Variants in LARP1B observed in about 807,000 individuals in gnomAD.
The protein encoded by LARP1B is la-related protein 1B.
A neutral mutation model predicts 114.2 loss-of-function variants in LARP1B; 76 were observed. That is an observed-to-expected ratio of 0.67 (90% CI 0.55 to 0.81). LARP1B has a LOEUF of 0.81. Ranked by LOEUF, LARP1B falls within the 30% of genes least tolerant of loss-of-function variation. The pLI is 0.00. For synonymous variants in LARP1B, 345 were observed against 348.0 expected, an observed-to-expected ratio of 0.99 and a Z score of 0.10; for missense variants, 1,014 against 1,075.8, an observed-to-expected ratio of 0.94 and a Z score of 0.80.
chr4:128,105,632 C>T (rs1160395854), intron 8 of LARP1B, among the ~76,000 whole-genome samples: 1 of 152,190 alleles, frequency 6.6e-6, no homozygotes, highest in East Asian at 1.9e-4. Flanking sequence ...GTGTTTCACA[C>T]CTGTAATCCT....
At chr4:128,069,707 T>A (rs1307717213) in intron 1 of LARP1B, 1 of 355,208 alleles carries the variant, frequency 2.8e-6, no homozygotes, top group African/African-American at 2.1e-5. Flanking sequence ...CTTGTATTTA[T>A]GGTTGTTTTT....
intron 11 of LARP1B, among the ~76,000 whole-genome samples, chr4:128,158,116 A>G (rs1736673707): frequency 6.6e-6 from 1 of 152,202 alleles, no homozygotes; most frequent in Non-Finnish European, 1.5e-5. Flanking sequence ...ATTGCCTTAG[A>G]AGATATAATA....
At chr4:128,068,969 T>C (rs928518381) in intron 1 of LARP1B, 1 of 630,992 alleles carries the variant, frequency 1.6e-6, no homozygotes, top group Non-Finnish European at 2.7e-6. Context: ...GACATGATTG[T>C]CCTAAATTGT....
At chr4:128,082,359 T>A in intron 5 of LARP1B, 54 bp downstream of exon 5, 1 of 1,528,322 alleles carries the variant, frequency 6.5e-7, no homozygotes, top group Non-Finnish European at 9.0e-7. Context: ...GTCTTAATGC[T>A]CGTTATTTTA....
intron 5 of LARP1B, among the ~76,000 whole-genome samples, 158 bp from the exon 6 acceptor site, chr4:128,090,843 C>G (rs1775655042): frequency 6.6e-6 from 1 of 152,032 alleles, no homozygotes; most frequent in African/African-American, 2.4e-5. Context: ...TTGATAAATT[C>G]TTATTGGATC....
At chr4:128,111,870 T>C (rs373538121) in intron 9 of LARP1B, among the ~76,000 whole-genome samples, 13 of 151,422 alleles carry the variant, frequency 8.6e-5, no homozygotes, top group African/African-American at 2.7e-4. Flanking sequence ...TTTTTTTTTT[T>C]AGTAGAGACG....
In LARP1B at chr4:128,210,161, T is replaced by C. The variant is rs753711286; in HGVS notation, c.*108T>C. 343 of 1,538,664 alleles carry C rather than the reference T, an allele frequency of 2.2e-4. No individual in the cohort carries two copies. The highest frequency in any genetic ancestry group is 2.9e-4 in the Non-Finnish European group (328 of 1,143,348). On this transcript the variant is annotated 3_prime_UTR_variant, in exon 20 of 20. Transcript: ENST00000326639. ...AGTCAACATTTACATCAGTATTTAT[T>C]TGGGGAAAATCTTCTGGTGTTTAAT...
At chr4:128,162,693 T>C (rs1739025566) in intron 12 of LARP1B, among the ~76,000 whole-genome samples, 1 of 152,134 alleles carries the variant, frequency 6.6e-6, no homozygotes, top group Non-Finnish European at 1.5e-5. Context: ...AATAAATACA[T>C]TGGGAGATCC....
At chr4:128,095,406 T>C (rs1439981700) in intron 7 of LARP1B, among the ~76,000 whole-genome samples, 1 of 149,422 alleles carries the variant, frequency 6.7e-6, no homozygotes, top group Non-Finnish European at 1.5e-5. Context: ...GGAGAATCGC[T>C]TGAACCTGTG....
chr4:128,180,386 G>A (rs909301644), intron 15 of LARP1B, among the ~76,000 whole-genome samples: 13 of 152,178 alleles, frequency 8.5e-5, no homozygotes, highest in Non-Finnish European at 1.3e-4. Flanking sequence ...TTAGTTTCAT[G>A]AAAAGAAATG....
intron 1 of LARP1B, among the ~76,000 whole-genome samples, chr4:128,066,574 T>A (rs1440499564): frequency 6.6e-6 from 1 of 150,878 alleles, no homozygotes; most frequent in Admixed American, 6.6e-5. Context: ...ACCTCCTGGG[T>A]TCCCCCGATT....
At chr4:128,166,527 A>G (rs1180603221) in intron 12 of LARP1B, among the ~76,000 whole-genome samples, 3 of 151,942 alleles carry the variant, frequency 2.0e-5, no homozygotes, top group Non-Finnish European at 4.4e-5. Flanking sequence ...AATGGTTACA[A>G]TAGTTAAGCA....
intron 1 of LARP1B, among the ~76,000 whole-genome samples, chr4:128,065,335 C>CTTTT (rs1446330558): frequency 5.9e-5 from 7 of 118,048 alleles, no homozygotes; most frequent in South Asian, 2.5e-4. Context: ...CTCTCTCTTT[C>CTTTT]CTTTCTTTTC....
chr4:128,135,620 C>T (rs183718356), intron 11 of LARP1B, among the ~76,000 whole-genome samples: 1 of 152,184 alleles, frequency 6.6e-6, no homozygotes, highest in African/African-American at 2.4e-5. Flanking sequence ...TGCTGCAACA[C>T]GGATGAACCT....
intron 8 of LARP1B, among the ~76,000 whole-genome samples, chr4:128,101,201 C>A (rs970988145): frequency 6.7e-6 from 1 of 150,212 alleles, no homozygotes; most frequent in Non-Finnish European, 1.5e-5. Flanking sequence ...GGGCTGGGCG[C>A]GGTGGCTCAT....
rs185587112 is a variant in LARP1B at position 128,084,023 on chromosome 4, G to A, written c.358+1718G>A. On this transcript the variant is annotated intron_variant, in intron 5 of 19. Transcript: ENST00000326639. ...CAGAGGTGCTCCCCACATCTCAGAC[G>A]ATGGGCGGCCGGGCAGAGACGCTCC... Among the ~76,000 whole-genome samples, 448 of 151,440 alleles carry A rather than the reference G, an allele frequency of 3.0e-3. 3 individuals are homozygous for A. Among genetic ancestry groups the A allele is most frequent in the African/African-American group, 0.01 (419 of 41,350 alleles).
In LARP1B at chr4:128,172,522, A is replaced by G. The variant is rs573129496; in HGVS notation, c.1649-4350A>G. On this transcript the variant is annotated intron_variant, in intron 12 of 19. Coordinates refer to ENST00000326639, the MANE Select transcript of LARP1B (RefSeq NM_018078.4). ...AGCCTGGCCAACATGGTGAAACCCCATCTCTACTAAAAATACAAAAATTCG... is the reference window on the plus strand; with the variant it reads ...AGCCTGGCCAACATGGTGAAACCCCGTCTCTACTAAAAATACAAAAATTCG... Among the ~76,000 whole-genome samples the G allele has an allele frequency of 8.2e-4, 125 of 152,098 alleles. No homozygotes were observed. In the Middle Eastern group the frequency reaches 0.01, roughly 12 times the overall value.
intron 1 of LARP1B, among the ~76,000 whole-genome samples, chr4:128,067,859 G>A (rs1257572625): frequency 3.3e-5 from 5 of 151,010 alleles, no homozygotes; most frequent in African/African-American, 1.2e-4. Context: ...ACAGGCGCTC[G>A]CCACCATGCC....
At chr4:128,109,812 AC>A (rs755666194) in intron 9 of LARP1B, among the ~76,000 whole-genome samples, 6 of 151,684 alleles carry the variant, frequency 4.0e-5, no homozygotes, top group Admixed American at 6.6e-5. Context: ...CTTTTTAATT[AC>A]CCAGAACTGT....
Sources: gnomAD v4.1 joint callset for allele counts (sites outside exome capture counted in the v4.1 genomes callset) on GRCh38, gnomAD v4.1.1 for gene constraint, MANE v1.5 for transcripts, NCBI Gene and HGNC (gene_info 2026-07-23, HGNC 2026-07-21) for gene names.